The following ESPNL variants were observed in gnomAD, a reference collection of about 807,000 sequenced individuals.
The protein encoded by ESPNL is espin-like protein.
Under a neutral mutation model 46.8 loss-of-function variants are expected in ESPNL, and 49 were observed. The ratio of observed to expected loss-of-function variants is 1.05; its 90% CI spans 0.83 to 1.33. The LOEUF is 1.33. Ranked by LOEUF, ESPNL falls within the 40% of genes most tolerant of loss-of-function variation. ESPNL has a pLI of 0.00. For synonymous variants in ESPNL, 664 were observed against 662.1 expected (o/e 1.00, Z -0.04); for missense variants, 1,540 against 1,436.6 (o/e 1.07, Z -1.16).
chr2:238,101,776 A>C (rs1199746529), intron 1 of ESPNL, among the ~76,000 whole-genome samples, 165 bp from the exon 2 acceptor site: 3 of 151,258 alleles, frequency 2.0e-5, no homozygotes, highest in African/African-American at 7.3e-5. Context: ...AGCAGGGAGC[A>C]CCTCCCTCCA....
In ESPNL at chr2:238,131,841, C is replaced by T. The variant is rs1034698148; in HGVS notation, c.*109C>T. On this transcript the variant is annotated 3_prime_UTR_variant, in exon 9 of 9. Transcript: ENST00000343063. ...GTTCAGGTGAGCCGGGCAAGGCTGCCTCCAGTCCTACCAGTTATCGGAGGC... is the reference window on the plus strand; with the variant it reads ...GTTCAGGTGAGCCGGGCAAGGCTGCTTCCAGTCCTACCAGTTATCGGAGGC... The T allele has an allele frequency of 4.1e-6, 5 of 1,222,468 alleles. No homozygotes were observed. The highest frequency in any genetic ancestry group is 1.5e-5 in the African/African-American group (1 of 65,936). The allele number at this position is 1,222,468 out of a possible 1,614,324, so 75.7% of individuals were successfully genotyped here.
At chr2:238,116,461 G>A (rs748562335) in intron 4 of ESPNL, among the ~76,000 whole-genome samples, 10 of 152,242 alleles carry the variant, frequency 6.6e-5, no homozygotes, top group East Asian at 1.9e-4. Flanking sequence ...ATGGTCCCAC[G>A]GAGAGTGGGG....
chr2:238,130,121 T>C lies in ESPNL; in HGVS notation c.1414-7T>C, dbSNP rs1201487799. 7.5e-6 allele frequency: 12 copies of C among 1,601,936 alleles called. No individual in the cohort carries two copies. Among genetic ancestry groups the C allele is most frequent in the Non-Finnish European group, 1.0e-5 (12 of 1,172,058 alleles). On this transcript the variant is annotated splice_polypyrimidine_tract_variant and splice_region_variant and intron_variant, in intron 8 of 8. Coordinates refer to ENST00000343063, the MANE Select transcript of ESPNL (RefSeq NM_194312.4). The stretch of plus-strand genomic sequence containing the variant: ...CACCCTGCTCACCCTGCCCTTCCTG[T>C]GCCCAGGACAATGGTGGGAGCTCAG...
intron 5 of ESPNL, among the ~76,000 whole-genome samples, chr2:238,117,348 G>A (rs1691839910): frequency 6.6e-6 from 1 of 152,230 alleles, no homozygotes; most frequent in African/African-American, 2.4e-5. Context: ...AGGGCCTGGG[G>A]CCATGGCTGT....
chr2:238,127,766 C>T (rs752713841), intron 7 of ESPNL, 32 bp downstream of exon 7: 5 of 1,552,658 alleles, frequency 3.2e-6, no homozygotes, highest in East Asian at 2.3e-5. Context: ...TCCTGTCTCC[C>T]GGGGCCCCTA....
chr2:238,115,204 G>T (rs1013367508), intron 4 of ESPNL, among the ~76,000 whole-genome samples: 1 of 152,192 alleles, frequency 6.6e-6, no homozygotes, highest in Non-Finnish European at 1.5e-5. Flanking sequence ...CCCTGGTGGC[G>T]CTGTGGCCTC....
intron 4 of ESPNL, among the ~76,000 whole-genome samples, chr2:238,116,065 G>A (rs983241407): frequency 6.6e-6 from 1 of 152,252 alleles, no homozygotes; most frequent in Non-Finnish European, 1.5e-5. Flanking sequence ...TTGGGTCAAA[G>A]GCACAGTTTT....
At chr2:238,125,232 A>G in intron 5 of ESPNL, 38 bp from the exon 6 acceptor site, 2 of 1,034,354 alleles carry the variant, frequency 1.9e-6, no homozygotes, top group Non-Finnish European at 2.8e-6. Flanking sequence ...GGAAGAGCCC[A>G]CGGGGGTCCC....
At chr2:238,118,612 ATGG>A (rs1691884475) in intron 5 of ESPNL, among the ~76,000 whole-genome samples, 1 of 63,798 alleles carries the variant, frequency 1.6e-5, no homozygotes, top group Non-Finnish European at 3.3e-5. Flanking sequence ...AAGAGGGTGG[ATGG>A]AGGAGGGTGG....
chr2:238,119,285 G>A (rs1345712203), intron 5 of ESPNL, among the ~76,000 whole-genome samples: 30 of 144,290 alleles, frequency 2.1e-4, no homozygotes, highest in African/African-American at 7.4e-4. Context: ...TTGGACGGAG[G>A]AGGTGGATGG....
intron 5 of ESPNL, among the ~76,000 whole-genome samples, chr2:238,122,096 C>A (rs1162141359): frequency 6.6e-6 from 1 of 152,232 alleles, no homozygotes; most frequent in African/African-American, 2.4e-5. Flanking sequence ...GCGGTCGGGG[C>A]CGTGGGGCCA....
rs369491676 is a variant in ESPNL, at chr2:238,104,966, C to T, written c.672+124C>T. 3.2e-4 allele frequency: 271 copies of T among 854,096 alleles called. 1 individual carries two copies. In the African/African-American group the frequency reaches 4.2e-3, roughly 13 times the overall value. 52.9% of individuals were successfully genotyped at this position (854,096 alleles called of 1,614,324 possible). A position where few individuals can be genotyped will look rare whatever the true frequency, so the allele number is the denominator to read the frequency against. On this transcript the variant is annotated intron_variant, in intron 3 of 8. Coordinates refer to ENST00000343063, the MANE Select transcript of ESPNL (RefSeq NM_194312.4). ...GGACACGCAGGGCTGTTGGGGCATCCGATGAGCTGGTCCATGGCTCCCGAG... is the reference window on the plus strand; with the variant it reads ...GGACACGCAGGGCTGTTGGGGCATCTGATGAGCTGGTCCATGGCTCCCGAG...
Position 238,130,994 on chromosome 2 carries a change from AG to A in ESPNL, c.2281del (p.Val761TrpfsTer6). 1 of 1,546,590 alleles carries A rather than the reference AG, an allele frequency of 6.5e-7. No homozygotes were observed. The highest frequency in any genetic ancestry group is 8.7e-7 in the Non-Finnish European group (1 of 1,146,352). ...RSAYTPALKT[V>X]ACRTLGARHA... is the part of the protein sequence containing the mutation. ...CGGCCTACACGCCGGCCCTCAAGAC[AG>A]TGGCCTGCAGGACCCTAGGAGCCCG... On this transcript the variant is annotated frameshift_variant, in exon 9 of 9. Transcript: ENST00000343063. LOFTEE classifies it low-confidence loss of function (END_TRUNC).
At chr2:238,128,611 C>G in intron 7 of ESPNL, 96 bp from the exon 8 acceptor site, 1 of 1,257,284 alleles carries the variant, frequency 8.0e-7, no homozygotes, top group Non-Finnish European at 1.1e-6. Context: ...TTAGCGTGCC[C>G]TGGGCGGAGC....
At position 238,127,409 on chromosome 2, in the gene ESPNL, C is replaced by T. The variant is rs1692163747; in HGVS notation, c.1103-213C>T. On this transcript the variant is annotated intron_variant, in intron 6 of 8. Coordinates refer to ENST00000343063, the MANE Select transcript of ESPNL (RefSeq NM_194312.4). ...GGCCCAGCGGTGTGCCGCAGGCTCT[C>T]CCATCGACCAGGCGGGGGCGGGCCC... The T allele has an allele frequency of 4.5e-6, 6 of 1,333,090 alleles. No homozygotes were observed. In the South Asian group the frequency reaches 1.0e-4, roughly 22 times the overall value. 82.6% of individuals were successfully genotyped at this position (1,333,090 alleles called of 1,614,324 possible).
At chr2:238,113,984 G>A (rs866406328) in intron 4 of ESPNL, among the ~76,000 whole-genome samples, 15 of 152,132 alleles carry the variant, frequency 9.9e-5, no homozygotes, top group Middle Eastern at 3.2e-3. Context: ...TGACTTCTGC[G>A]TTACCTTACT....
intron 2 of ESPNL, among the ~76,000 whole-genome samples, chr2:238,103,430 A>G (rs867429181): frequency 7.5e-6 from 1 of 133,980 alleles, no homozygotes; most frequent in Non-Finnish European, 1.5e-5. Context: ...CCATGTCTCA[A>G]AAAAAAGAAG....
intron 4 of ESPNL, among the ~76,000 whole-genome samples, chr2:238,115,130 GGC>G (rs1691789480): frequency 6.6e-6 from 1 of 152,194 alleles, no homozygotes; most frequent in Admixed American, 6.5e-5. Flanking sequence ...CGGCGGTTCT[GGC>G]ACTGGTCTTT....
chr2:238,129,139 G>A (rs1353147557), intron 8 of ESPNL: 11 of 1,399,718 alleles, frequency 7.9e-6, no homozygotes, highest in Non-Finnish European at 9.3e-6. Flanking sequence ...CTTCCACTTG[G>A]CGGATTTGTG....
Sources: gnomAD v4.1 joint callset for allele counts (sites outside exome capture counted in the v4.1 genomes callset) on GRCh38, gnomAD v4.1.1 for gene constraint, MANE v1.5 for transcripts, NCBI Gene and HGNC (gene_info 2026-07-23, HGNC 2026-07-21) for gene names.